Variants in RDH10 observed in about 807,000 individuals in gnomAD.
The protein encoded by RDH10 is retinol dehydrogenase 10 (all-trans).
A neutral mutation model predicts 30.2 loss-of-function variants in RDH10; 12 were observed. The ratio of observed to expected loss-of-function variants is 0.40; its 90% CI spans 0.25 to 0.64. RDH10 has a LOEUF of 0.64. RDH10 is among the 30% of genes least tolerant of loss of function. The pLI is 0.43. For missense variants in RDH10, 268 were observed against 445.2 expected (o/e 0.60, Z 3.58); for synonymous variants, 189 against 172.2 (o/e 1.10, Z -0.76).
intron 1 of RDH10, 47 bp from the exon 2 acceptor site, chr8:73,297,147 T>G (rs767985929): frequency 6.2e-6 from 7 of 1,125,182 alleles, no homozygotes; most frequent in Admixed American, 5.2e-5. Context: ...TTTCTGCACT[T>G]CCTTCTCTTT....
rs369065750 is a variant in RDH10, at chr8:73,301,144, A to G, written c.525+3715A>G. ...CGGCTCACTGCAAGCTCCGCCTCCC[A>G]GGTTCACGCCATTCTCCTGCCTCAG... On this transcript the variant is annotated intron_variant, in intron 2 of 5. Coordinates refer to ENST00000240285, the MANE Select transcript of RDH10 (RefSeq NM_172037.5). Among the ~76,000 whole-genome samples the G allele has an allele frequency of 8.2e-4, 107 of 129,918 alleles. 1 individual carries two copies. The East Asian group carries it at 0.013, about 16-fold the overall frequency. The allele number at this position is 129,918 out of a possible 152,430, so 85.2% of individuals were successfully genotyped here. A position where few individuals can be genotyped will look rare whatever the true frequency, so the allele number is the denominator to read the frequency against.
chr8:73,318,891 C>T (rs528069705), intron 2 of RDH10, among the ~76,000 whole-genome samples: 2 of 152,286 alleles, frequency 1.3e-5, no homozygotes, highest in Non-Finnish European at 2.9e-5. Context: ...TTGTTGGTCA[C>T]GACTTATAAT....
At chr8:73,321,262 A>G (rs1010706405) in intron 4 of RDH10, among the ~76,000 whole-genome samples, 185 bp downstream of exon 4, 2 of 152,244 alleles carry the variant, frequency 1.3e-5, no homozygotes, top group Non-Finnish European at 2.9e-5. Flanking sequence ...GGTGCTACAC[A>G]CTGATACTAA....
At chr8:73,318,954 CT>C in intron 2 of RDH10, 141 bp from the exon 3 acceptor site, 1 of 595,308 alleles carries the variant, frequency 1.7e-6, no homozygotes, top group African/African-American at 1.9e-5. Context: ...CTTAAAAGAT[CT>C]TTTTGATAAA....
At position 73,297,206 on chromosome 8, in the gene RDH10, A is replaced by G. The variant is rs1370763586; in HGVS notation, c.302A>G (p.Glu101Gly). Residue 101 changes from glutamate to glycine, a missense_variant, in exon 2 of 6, where the codon GAG (glutamate) becomes GGG (glycine). This residue lies in a region of RDH10 where 46 missense variants were observed against 36.7 expected (regional missense o/e 1.25). Transcript: ENST00000240285. ...CTTCTGAGGACAGCTGGGAATGGTG[A>G]GGAAGAAATTCTGCCCCACTGTAAC... is the stretch of plus-strand genomic sequence containing the variant. ...DAAALQAGNG[E>G]EEILPHCNLQ... 6.2e-7 allele frequency: 1 copy of G among 1,607,284 alleles called. No homozygotes were observed. Among genetic ancestry groups the G allele is most frequent in the African/African-American group, 1.3e-5 (1 of 74,898 alleles).
At chr8:73,307,964 A>G (rs1814491706) in intron 2 of RDH10, among the ~76,000 whole-genome samples, 1 of 152,196 alleles carries the variant, frequency 6.6e-6, no homozygotes, top group Non-Finnish European at 1.5e-5. Context: ...CGAAAGCCCA[A>G]CTTGCGTGTT....
rs1355575060 is a variant in RDH10 at position 73,324,214 on chromosome 8, T to G, written c.*1178T>G. On this transcript the variant is annotated 3_prime_UTR_variant, in exon 6 of 6. Transcript: ENST00000240285. Reference sequence around the variant, plus strand: ...AACTATGATTAGTGAGAGGAAGAAATCTTATTCTATGGCATATGTATGGAA... The same window carrying G: ...AACTATGATTAGTGAGAGGAAGAAAGCTTATTCTATGGCATATGTATGGAA... The G allele has an allele frequency of 6.6e-6, 1 of 152,644 alleles. No individual in the cohort carries two copies. Among genetic ancestry groups the G allele is most frequent in the Admixed American group, 6.5e-5 (1 of 15,286 alleles). 9.5% of individuals were successfully genotyped at this position (152,644 alleles called of 1,614,324 possible).
Position 73,295,556 on chromosome 8 carries a change from G to T in RDH10, c.267G>T (p.Ala89=), listed in dbSNP as rs1814245877. 6.5e-7 allele frequency: 1 copy of T among 1,536,942 alleles called. No homozygotes were observed. The highest frequency in any genetic ancestry group is 1.4e-5 in the African/African-American group (1 of 71,948). ...MVRHIYRDLE[A]ADAAALQAGN... ...GCCACATCTACCGCGACCTGGAGGC[G>T]GCCGACGCCGCTGCGCTGCAAGGTA... The change falls in exon 1 of 6, where the codon GCG becomes GCT. Residue 89 remains alanine (A), a synonymous_variant. Coordinates refer to ENST00000240285, the MANE Select transcript of RDH10 (RefSeq NM_172037.5).
chr8:73,321,227 G>A lies in RDH10; in HGVS notation c.770+150G>A, dbSNP rs1814765697. ...GATTTGTAAAGTTTGTAAAATTGGT[G>A]TATAAGATTTGCAAAGGAGAGACTG... On this transcript the variant is annotated intron_variant, in intron 4 of 5. Transcript: ENST00000240285. 3.9e-6 allele frequency: 3 copies of A among 763,068 alleles called. No individual in the cohort carries two copies. The East Asian group carries it at 8.2e-5, about 21-fold the overall frequency. The allele number at this position is 763,068 out of a possible 1,614,324, so 47.3% of individuals were successfully genotyped here.
At chr8:73,309,466 T>A (rs1035721976) in intron 2 of RDH10, among the ~76,000 whole-genome samples, 1 of 152,242 alleles carries the variant, frequency 6.6e-6, no homozygotes, top group African/African-American at 2.4e-5. Context: ...ATATTGTTCC[T>A]CTGTGAGGTA....
Position 73,297,306 on chromosome 8 carries a change from G to A in RDH10, c.402G>A (p.Lys134=). 1 of 1,614,138 alleles carries A rather than the reference G, an allele frequency of 6.2e-7. No homozygotes were observed. Among genetic ancestry groups the A allele is most frequent in the Non-Finnish European group, 8.5e-7 (1 of 1,179,956 alleles). ...NVYLTAERVR[K]EVGEVSVLVN... Reference sequence around the variant, plus strand: ...ACCTGACGGCTGAAAGAGTCCGCAAGGAGGTTGGCGAAGTCTCAGTCCTGG... The same window carrying A: ...ACCTGACGGCTGAAAGAGTCCGCAAAGAGGTTGGCGAAGTCTCAGTCCTGG... Residue 134 remains lysine, a synonymous_variant, in exon 2 of 6, where the codon AAG becomes AAA. Transcript: ENST00000240285.
intron 2 of RDH10, chr8:73,300,369 T>C (rs2130357360): frequency 1.3e-5 from 2 of 152,360 alleles, no homozygotes; most frequent in Middle Eastern, 3.4e-3. Context: ...AGTAGTCCTC[T>C]TATGCGAAGC....
intron 2 of RDH10, among the ~76,000 whole-genome samples, chr8:73,309,508 T>G (rs1202590159): frequency 6.6e-6 from 1 of 152,184 alleles, no homozygotes; most frequent in Non-Finnish European, 1.5e-5. Context: ...TGGATCAGTA[T>G]TATTGTCCTT....
chr8:73,305,941 T>C (rs1423378288), intron 2 of RDH10, among the ~76,000 whole-genome samples: 1 of 152,246 alleles, frequency 6.6e-6, no homozygotes, highest in East Asian at 1.9e-4. Context: ...TATCAGAAGT[T>C]GGTATAGTAG....
In RDH10 at chr8:73,322,673, T is replaced by C. The variant is rs369261377; in HGVS notation, c.771-6T>C. On this transcript the variant is annotated splice_region_variant and splice_polypyrimidine_tract_variant and intron_variant, in intron 4 of 5. Transcript: ENST00000240285. ...TTCATTTTGTTTTTGAATAAATAAC[T>C]TTCAGGAAAGAAATTGAGCCTTTTC... 6.2e-7 allele frequency: 1 copy of C among 1,606,196 alleles called. No homozygotes were observed. The highest frequency in any genetic ancestry group is 8.5e-7 in the Non-Finnish European group (1 of 1,177,138).
At chr8:73,296,158 C>T (rs1814262760) in intron 1 of RDH10, among the ~76,000 whole-genome samples, 1 of 152,114 alleles carries the variant, frequency 6.6e-6, no homozygotes, top group African/African-American at 2.4e-5. Context: ...AGGATTTAGG[C>T]TTCGTTGTAA....
chr8:73,306,234 C>T (rs562456410), intron 2 of RDH10, among the ~76,000 whole-genome samples: 3 of 152,244 alleles, frequency 2.0e-5, no homozygotes, highest in Non-Finnish European at 4.4e-5. Context: ...GTTCCAGTCA[C>T]CTGCATCCCT....
intron 2 of RDH10, among the ~76,000 whole-genome samples, chr8:73,309,200 G>A (rs1242910538): frequency 1.3e-5 from 2 of 152,102 alleles, no homozygotes; most frequent in African/African-American, 4.8e-5. Context: ...TTTGATTCAG[G>A]TCCAGTGTCT....
In RDH10 at chr8:73,308,566, C is replaced by A. The variant is rs142543989; in HGVS notation, c.526-10530C>A. On this transcript the variant is annotated intron_variant, in intron 2 of 5. Coordinates refer to ENST00000240285, the MANE Select transcript of RDH10 (RefSeq NM_172037.5). ...GTCTTGAAAGCTAAGCCTTCAAAGC[C>A]TCTGTGGATGCAGAGGGAAGGATTT... 3.5e-3 allele frequency among the ~76,000 whole-genome samples: 533 copies of A among 152,294 alleles called. 3 individuals carry two copies. The highest frequency in any genetic ancestry group is 0.011 in the African/African-American group (471 of 41,546).
Sources: gnomAD v4.1 joint callset for allele counts (sites outside exome capture counted in the v4.1 genomes callset) on GRCh38, gnomAD v4.1.1 for gene constraint, gnomAD v4.1.1 regional missense constraint, MANE v1.5 for transcripts, NCBI Gene and HGNC (gene_info 2026-07-23, HGNC 2026-07-21) for gene names.